Variants in ATP8B4 observed in about 807,000 individuals in gnomAD.
ATP8B4 encodes the protein ATPase phospholipid transporting 8B4 (putative).
ATP8B4 carries 133 observed loss-of-function variants against 145.6 expected under a neutral mutation model. The observed-to-expected ratio is 0.91, with a 90% CI of 0.79 to 1.05. The LOEUF (loss-of-function observed/expected upper bound fraction) is 1.05. ATP8B4 is among the 50% of genes least tolerant of loss of function. The probability of loss-of-function intolerance (pLI) is 0.00; values close to 1 mark genes in which losing one functional copy is unlikely to be tolerated. For synonymous variants in ATP8B4, 507 were observed against 492.9 expected (o/e 1.03, Z -0.38); for missense variants, 1,458 against 1,425.2 (o/e 1.02, Z -0.37).
intron 24 of ATP8B4, among the ~76,000 whole-genome samples, chr15:49,877,704 A>G (rs903134942): frequency 9.9e-5 from 15 of 152,134 alleles, no homozygotes; most frequent in Non-Finnish European, 1.8e-4. Context: ...TGGTTTCCTC[A>G]TGCCCAGAAA....
At chr15:50,178,321 T>G (rs947600906) in intron 1 of ATP8B4, among the ~76,000 whole-genome samples, 1 of 152,196 alleles carries the variant, frequency 6.6e-6, no homozygotes, top group African/African-American at 2.4e-5. Context: ...GAGATCTCAG[T>G]GCTGACAAAA....
chr15:49,942,074 T>G (rs2042204396), intron 14 of ATP8B4, among the ~76,000 whole-genome samples: 1 of 151,982 alleles, frequency 6.6e-6, no homozygotes, highest in African/African-American at 2.4e-5. Context: ...GCGATAAAAA[T>G]CTACATATGA....
At chr15:50,167,619 T>C (rs551707754) in intron 1 of ATP8B4, among the ~76,000 whole-genome samples, 5 of 152,310 alleles carry the variant, frequency 3.3e-5, no homozygotes, top group African/African-American at 1.2e-4. Context: ...TATACACATC[T>C]TTTTTTGGAG....
intron 18 of ATP8B4, among the ~76,000 whole-genome samples, chr15:49,919,393 A>T (rs4491453): frequency 0.23 from 34,671 of 151,980 alleles, 5,656 homozygotes; most frequent in African/African-American, 0.46. Context: ...AAAGTGAAAG[A>T]TCCTGCATGA....
intron 14 of ATP8B4, among the ~76,000 whole-genome samples, chr15:49,952,177 T>C (rs185099679): frequency 3.1e-4 from 47 of 152,310 alleles, no homozygotes; most frequent in African/African-American, 1.0e-3. Flanking sequence ...TGCCTTGGGG[T>C]TGATCTTCTC....
intron 14 of ATP8B4, among the ~76,000 whole-genome samples, chr15:49,936,453 G>C (rs2041742744): frequency 6.6e-6 from 1 of 152,092 alleles, no homozygotes. Flanking sequence ...TTTAGGTTGA[G>C]AGCCATTTGA....
intron 16 of ATP8B4, among the ~76,000 whole-genome samples, chr15:49,929,544 G>A (rs1351798808): frequency 1.3e-5 from 2 of 152,044 alleles, no homozygotes; most frequent in Non-Finnish European, 2.9e-5. Context: ...AGAGATCGAA[G>A]CTAAACAGCT....
Position 49,984,689 on chromosome 15 carries a change from G to A in ATP8B4, c.748+2702C>T, listed in dbSNP as rs898114895. On this transcript the variant is annotated intron_variant, in intron 10 of 27. Transcript: ENST00000284509. ...TTTTGATCTCTTCCTAGGGATCCCC[G>A]AGACAAAGCCCAACCAGAAGCAGAA... Among the ~76,000 whole-genome samples the A allele has an allele frequency of 3.9e-5, 6 of 152,112 alleles. No homozygotes were observed. The East Asian group carries it at 5.8e-4, about 15-fold the overall frequency.
At chr15:50,057,677 C>T (rs918996860) in intron 3 of ATP8B4, among the ~76,000 whole-genome samples, 8 of 152,174 alleles carry the variant, frequency 5.3e-5, no homozygotes, top group African/African-American at 1.9e-4. Context: ...AGCTTTCAGG[C>T]CTCTGTCTCC....
chr15:50,158,284 G>A (rs1271304828), intron 1 of ATP8B4, among the ~76,000 whole-genome samples: 9 of 148,004 alleles, frequency 6.1e-5, no homozygotes, highest in East Asian at 2.0e-4. Context: ...GCCTCTTCCC[G>A]GCCGCCATCC....
At chr15:49,961,828 T>C (rs965956541) in intron 14 of ATP8B4, 149 bp downstream of exon 14, 24 of 633,952 alleles carry the variant, frequency 3.8e-5, no homozygotes, top group Non-Finnish European at 4.4e-5. Context: ...AGAAGGAATT[T>C]TGAATCATAT....
At chr15:49,988,222 C>T (rs1196815692) in intron 9 of ATP8B4, among the ~76,000 whole-genome samples, 1 of 152,100 alleles carries the variant, frequency 6.6e-6, no homozygotes, top group Non-Finnish European at 1.5e-5. Flanking sequence ...AAGGGCATGC[C>T]CACTCCAAAT....
chr15:50,022,857 T>C (rs1217154592), intron 6 of ATP8B4, among the ~76,000 whole-genome samples: 2 of 152,222 alleles, frequency 1.3e-5, no homozygotes, highest in Non-Finnish European at 2.9e-5. Flanking sequence ...ATTTTAGGAA[T>C]GAGATGGATA....
chr15:49,868,624 A>T (rs2033190384), intron 25 of ATP8B4, among the ~76,000 whole-genome samples: 2 of 152,210 alleles, frequency 1.3e-5, no homozygotes, highest in African/African-American at 2.4e-5. Flanking sequence ...AGCATTTAAT[A>T]ACATCCTGGA....
chr15:49,984,730 T>C (rs1200287245), intron 10 of ATP8B4, among the ~76,000 whole-genome samples: 1 of 151,650 alleles, frequency 6.6e-6, no homozygotes, highest in Non-Finnish European at 1.5e-5. Flanking sequence ...AGGTAACCTA[T>C]TAGTATAAAC....
At chr15:50,088,483 CT>C (rs1375770857) in intron 2 of ATP8B4, among the ~76,000 whole-genome samples, 1 of 152,158 alleles carries the variant, frequency 6.6e-6, no homozygotes, top group Non-Finnish European at 1.5e-5. Context: ...ATCTCATGGC[CT>C]TTGCACTTAC....
chr15:50,035,382 C>T (rs2050756820), intron 6 of ATP8B4, among the ~76,000 whole-genome samples: 1 of 152,182 alleles, frequency 6.6e-6, no homozygotes, highest in Admixed American at 6.5e-5. Context: ...TGATTGTATA[C>T]AAAGCCCTTC....
chr15:50,049,328 A>G lies in ATP8B4; in HGVS notation c.88-1864T>C, dbSNP rs138715042. On this transcript the variant is annotated intron_variant, in intron 3 of 27. Transcript: ENST00000284509. ...ACTCTCCTCACTCTAGTAATCCCCA[A>G]TGTCTATTGCTGCTGTATATGTCCA... Among the ~76,000 whole-genome samples, 22 of 152,120 alleles carry G rather than the reference A, an allele frequency of 1.4e-4. No homozygotes were observed. In the East Asian group the frequency reaches 3.5e-3, roughly 24 times the overall value.
chr15:49,999,537 T>A (rs556508505), intron 8 of ATP8B4, among the ~76,000 whole-genome samples: 88 of 152,116 alleles, frequency 5.8e-4, no homozygotes, highest in African/African-American at 2.0e-3. Flanking sequence ...AGTATAATAA[T>A]AATAAAATGA....
Sources: allele counts gnomAD v4.1 joint callset (sites outside exome capture counted in the v4.1 genomes callset), GRCh38; gene constraint gnomAD v4.1.1; transcripts MANE v1.5; gene names NCBI Gene and HGNC (gene_info 2026-07-23, HGNC 2026-07-21).